The following ST18 variants were observed in gnomAD, a reference collection of about 807,000 sequenced individuals.
ST18 encodes the protein suppression of tumorigenicity 18 protein.
ST18 carries 50 observed loss-of-function variants against 110.0 expected under a neutral mutation model. That is an observed-to-expected ratio of 0.45 (90% CI 0.36 to 0.58). The LOEUF is 0.58. ST18 is among the 20% of genes least tolerant of loss of function. The pLI, the probability that ST18 is intolerant of heterozygous loss-of-function variation, is 0.00. For missense variants in ST18, 1,306 were observed against 1,280.1 expected (o/e 1.02, Z -0.31); for synonymous variants, 461 against 452.4 (o/e 1.02, Z -0.24).
At chr8:52,198,147 C>G (rs1402691061) in intron 8 of ST18, among the ~76,000 whole-genome samples, 2 of 152,120 alleles carry the variant, frequency 1.3e-5, no homozygotes, top group African/African-American at 4.8e-5. Flanking sequence ...GCTGGGACTA[C>G]AGGCACCCAC....
intron 2 of ST18, among the ~76,000 whole-genome samples, chr8:52,272,436 G>A (rs59300775): frequency 0.039 from 5,945 of 152,164 alleles, 412 homozygotes; most frequent in African/African-American, 0.14. Context: ...TGGCCAACAG[G>A]TATATAGGTA....
rs749605288 is a variant in ST18, at chr8:52,161,432, C to T, written c.1537G>A (p.Gly513Ser). 1.3e-5 allele frequency: 21 copies of T among 1,614,056 alleles called. No individual in the cohort carries two copies. In the Middle Eastern group the frequency reaches 6.6e-4, roughly 51 times the overall value. Reference sequence around the variant, plus strand: ...ACTGTTTGTATGAGAGGGCGTTTACCGAAAACTTGGGCATCAAAACTGGCA... The same window carrying T: ...ACTGTTTGTATGAGAGGGCGTTTACTGAAAACTTGGGCATCAAAACTGGCA... ...DYASFDAQVF[G>S]KRPLIQTVQG... The change falls in exon 14 of 26, where the codon GGT becomes AGT. Residue 513 changes from glycine to serine, a missense_variant. Coordinates refer to ENST00000689386, the MANE Select transcript of ST18 (RefSeq NM_001352837.2).
intron 8 of ST18, among the ~76,000 whole-genome samples, chr8:52,200,128 G>A (rs2077467364): frequency 6.6e-6 from 1 of 152,010 alleles, no homozygotes; most frequent in Non-Finnish European, 1.5e-5. Context: ...TATTCTAGAT[G>A]TTGTGGATAT....
chr8:52,275,390 T>G (rs2138998398), intron 2 of ST18, among the ~76,000 whole-genome samples: 1 of 152,314 alleles, frequency 6.6e-6, no homozygotes, highest in South Asian at 2.1e-4. Flanking sequence ...CAGCTCAAGT[T>G]TAAATTCATT....
intron 2 of ST18, among the ~76,000 whole-genome samples, chr8:52,401,329 G>C (rs1842763393): frequency 6.6e-6 from 1 of 151,938 alleles, no homozygotes; most frequent in South Asian, 2.1e-4. Context: ...AACCTGTTTG[G>C]AGATCATTAA....
chr8:52,360,405 G>A (rs1477250836), intron 2 of ST18, among the ~76,000 whole-genome samples: 1 of 151,734 alleles, frequency 6.6e-6, no homozygotes, highest in Admixed American at 6.6e-5. Flanking sequence ...CTTCATTCAG[G>A]CTACATAATT....
chr8:52,248,266 C>T (rs940471889), intron 2 of ST18, among the ~76,000 whole-genome samples: 4 of 152,092 alleles, frequency 2.6e-5, no homozygotes, highest in Admixed American at 1.3e-4. Context: ...AGTTTTAATT[C>T]ATGAACTGAT....
At chr8:52,130,123 G>A (rs867822792) in intron 22 of ST18, among the ~76,000 whole-genome samples, 2,770 of 90,752 alleles carry the variant, frequency 0.031, 46 homozygotes, top group Non-Finnish European at 0.051. Flanking sequence ...AGAAAGAAAA[G>A]AAAGAAAGAA....
At chr8:52,339,519 C>T (rs1813839619) in intron 2 of ST18, among the ~76,000 whole-genome samples, 1 of 152,256 alleles carries the variant, frequency 6.6e-6, no homozygotes, top group Non-Finnish European at 1.5e-5. Context: ...TGGGGGCCAC[C>T]TCAGAATCCT....
At chr8:52,347,971 A>G (rs1056269857) in intron 2 of ST18, among the ~76,000 whole-genome samples, 2 of 152,234 alleles carry the variant, frequency 1.3e-5, no homozygotes, top group African/African-American at 4.8e-5. Context: ...ATATTTAAAT[A>G]TAGATGTGTA....
At position 52,230,074 on chromosome 8, in the gene ST18, A is replaced by C. The variant is rs1311103634; in HGVS notation, c.-461T>G. On this transcript the variant is annotated 5_prime_UTR_variant, in exon 3 of 26. Coordinates refer to ENST00000689386, the MANE Select transcript of ST18 (RefSeq NM_001352837.2). ...GGATCTGAACTGGAGAGTTTCCATC[A>C]CTCCTGAGGAAAAGCATCGGAGGAG... 2.0e-5 allele frequency: 3 copies of C among 152,550 alleles called. No homozygotes were observed. Among genetic ancestry groups the C allele is most frequent in the Non-Finnish European group, 4.4e-5 (3 of 68,032 alleles). 9.4% of individuals were successfully genotyped at this position (152,550 alleles called of 1,614,324 possible). A position where few individuals can be genotyped will look rare whatever the true frequency, so the allele number is the denominator to read the frequency against.
intron 8 of ST18, among the ~76,000 whole-genome samples, chr8:52,200,156 A>G (rs1334529342): frequency 6.6e-6 from 1 of 150,860 alleles, no homozygotes; most frequent in Non-Finnish European, 1.5e-5. Flanking sequence ...GAGTTAAGAG[A>G]TTCCTGCTCC....
intron 2 of ST18, among the ~76,000 whole-genome samples, chr8:52,234,926 G>A (rs1165663279): frequency 1.3e-5 from 2 of 152,054 alleles, no homozygotes; most frequent in Non-Finnish European, 2.9e-5. Flanking sequence ...AGGATGCAAA[G>A]GCGTAAGAAT....
chr8:52,302,334 A>G (rs2095738600), intron 2 of ST18, among the ~76,000 whole-genome samples: 1 of 152,086 alleles, frequency 6.6e-6, no homozygotes, highest in Non-Finnish European at 1.5e-5. Flanking sequence ...CATGGTTTTC[A>G]ATAAGTACAT....
chr8:52,338,580 C>G (rs1444694820), intron 2 of ST18, among the ~76,000 whole-genome samples: 1 of 151,294 alleles, frequency 6.6e-6, no homozygotes, highest in Non-Finnish European at 1.5e-5. Context: ...CAGGCCACCA[C>G]CCCTAGCTAA....
At chr8:52,131,048 A>G (rs2049366532) in intron 22 of ST18, among the ~76,000 whole-genome samples, 1 of 152,242 alleles carries the variant, frequency 6.6e-6, no homozygotes, top group African/African-American at 2.4e-5. Context: ...TTTTCTCCAT[A>G]AACAGGTTTT....
intron 2 of ST18, among the ~76,000 whole-genome samples, chr8:52,374,348 G>A (rs73586640): frequency 7.2e-5 from 11 of 152,136 alleles, no homozygotes; most frequent in African/African-American, 2.7e-4. Context: ...TCTAGAAGCC[G>A]GGGAACACAG....
In ST18 at chr8:52,272,375, A is replaced by T. The variant is rs192052308; in HGVS notation, c.-464-42298T>A. ...AAAAAAAAATCTAATAACCCAATTTAAAAATAGCCTAAGAACTTGAATAGA... is the reference window on the plus strand; with the variant it reads ...AAAAAAAAATCTAATAACCCAATTTTAAAATAGCCTAAGAACTTGAATAGA... On this transcript the variant is annotated intron_variant, in intron 2 of 25. Transcript: ENST00000689386. 5.3e-4 allele frequency among the ~76,000 whole-genome samples: 81 copies of T among 152,368 alleles called. 2 individuals carry two copies. The highest frequency in any genetic ancestry group is 3.4e-3 in the Middle Eastern group (1 of 294).
rs1199533386 is a variant in ST18 at position 52,211,722 on chromosome 8, A to T, written c.86+357T>A. Among the ~76,000 whole-genome samples the T allele has an allele frequency of 2.6e-5, 4 of 152,326 alleles. No individual in the cohort carries two copies. In the East Asian group the frequency reaches 7.7e-4, roughly 29 times the overall value. ...TAACTTAGGATCTGGGTTATCCATC[A>T]GTCAGGTTCATGGATAACAGCTCAG... On this transcript the variant is annotated intron_variant, in intron 8 of 25. Coordinates refer to ENST00000689386, the MANE Select transcript of ST18 (RefSeq NM_001352837.2).
Sources: gnomAD v4.1 joint callset for allele counts (sites outside exome capture counted in the v4.1 genomes callset) on GRCh38, gnomAD v4.1.1 for gene constraint, MANE v1.5 for transcripts, NCBI Gene and HGNC (gene_info 2026-07-23, HGNC 2026-07-21) for gene names.